REPS1: variants seen among roughly 807,000 people sequenced by gnomAD.
The protein encoded by REPS1 is RALBP1 associated Eps domain containing 1, also known as ralBP1-associated Eps domain-containing protein 1.
Under a neutral mutation model 100.9 loss-of-function variants are expected in REPS1, and 39 were observed. The observed-to-expected ratio is 0.39, with a 90% confidence interval of 0.30 to 0.50. The LOEUF (loss-of-function observed/expected upper bound fraction) is 0.50. Ranked by LOEUF, REPS1 falls within the 20% of genes least tolerant of loss-of-function variation. REPS1 has a pLI of 0.86. For synonymous variants in REPS1, 324 were observed against 340.3 expected (o/e 0.95, Z 0.53); for missense variants, 821 against 968.5 (o/e 0.85, Z 2.02).
chr6:138,925,562 T>A (rs1043313339), intron 10 of REPS1, among the ~76,000 whole-genome samples: 7 of 152,082 alleles, frequency 4.6e-5, no homozygotes, highest in African/African-American at 1.4e-4. Flanking sequence ...ATCTTTCTAC[T>A]CAGCTCATTT....
rs80057574 is a variant in REPS1, at chr6:138,974,994, CA to C, written c.153+12535del. On this transcript the variant is annotated intron_variant, in intron 1 of 19. Coordinates refer to ENST00000450536, the MANE Select transcript of REPS1 (RefSeq NM_001286611.2). ...TGGGTGACAGAGTGAGACCCTGTCTCAAAAAAAAAAAAAGTTAGGCTTGCAT... is the reference window on the plus strand; with the variant it reads ...TGGGTGACAGAGTGAGACCCTGTCTCAAAAAAAAAAAAGTTAGGCTTGCAT... 7.4e-3 allele frequency among the ~76,000 whole-genome samples: 1,008 copies of C among 135,528 alleles called. 3 individuals carry two copies. Among genetic ancestry groups the C allele is most frequent in the Non-Finnish European group, 0.01 (644 of 62,378 alleles). The allele number at this position is 135,528 out of a possible 152,430, so 88.9% of individuals were successfully genotyped here. A position where few individuals can be genotyped will look rare whatever the true frequency, so the allele number is the denominator to read the frequency against.
intron 10 of REPS1, among the ~76,000 whole-genome samples, chr6:138,921,870 C>G (rs912704369): frequency 1.3e-5 from 2 of 151,826 alleles, no homozygotes; most frequent in African/African-American, 4.8e-5. Flanking sequence ...CCACTGCGCC[C>G]GGCCAGGTAG....
intron 1 of REPS1, among the ~76,000 whole-genome samples, chr6:138,984,363 A>G (rs557043737): frequency 6.6e-6 from 1 of 152,188 alleles, no homozygotes; most frequent in East Asian, 1.9e-4. Flanking sequence ...GATTACAGGC[A>G]TGAGCCACTG....
At chr6:138,936,441 T>G (rs996107520) in intron 8 of REPS1, among the ~76,000 whole-genome samples, 1 of 152,126 alleles carries the variant, frequency 6.6e-6, no homozygotes, top group African/African-American at 2.4e-5. Context: ...GTCAATGTCT[T>G]TGTCAGGATT....
chr6:138,975,417 C>G (rs1037276480), intron 1 of REPS1, among the ~76,000 whole-genome samples: 2 of 152,134 alleles, frequency 1.3e-5, no homozygotes, highest in Non-Finnish European at 2.9e-5. Context: ...ACAACAAAAT[C>G]AACGAAAGGT....
intron 1 of REPS1, among the ~76,000 whole-genome samples, chr6:138,973,112 G>A (rs533965837): frequency 6.6e-6 from 1 of 152,274 alleles, no homozygotes; most frequent in South Asian, 2.1e-4. Context: ...ATAACCTAAA[G>A]TACAAATTGT....
intron 1 of REPS1, among the ~76,000 whole-genome samples, chr6:138,978,349 C>T (rs1034490219): frequency 6.6e-6 from 1 of 150,524 alleles, no homozygotes; most frequent in East Asian, 2.0e-4. Flanking sequence ...AGTCCATTGG[C>T]GCAATCTCGG....
At chr6:138,956,098 TA>T (rs1416985121) in intron 1 of REPS1, among the ~76,000 whole-genome samples, 1 of 152,146 alleles carries the variant, frequency 6.6e-6, no homozygotes, top group Non-Finnish European at 1.5e-5. Flanking sequence ...GAAAGCCTTC[TA>T]AAATATAGGA....
chr6:138,920,293 A>G lies in REPS1; in HGVS notation c.1450T>C (p.Leu484=). The G allele has an allele frequency of 1.3e-6, 2 of 1,594,044 alleles. No individual in the cohort carries two copies. Among genetic ancestry groups the G allele is most frequent in the Non-Finnish European group, 1.7e-6 (2 of 1,161,876 alleles). The change falls in exon 12 of 20, where the codon TTA becomes CTA. Residue 484 remains leucine (L), a synonymous_variant. Coordinates refer to ENST00000450536, the MANE Select transcript of REPS1 (RefSeq NM_001286611.2). ...AAAAGGTCAGATGGTTTCACAAGTAATGGGCTAGTGGGATTTGTATGATCT... is the reference window on the plus strand; with the variant it reads ...AAAAGGTCAGATGGTTTCACAAGTAGTGGGCTAGTGGGATTTGTATGATCT... ...GSDHTNPTSP[L]LVKPSDLLEE...
Position 138,987,747 on chromosome 6 carries a change from T to C in REPS1, c.-65A>G, listed in dbSNP as rs1785357465. The C allele has an allele frequency of 2.1e-6, 3 of 1,438,306 alleles. No individual in the cohort carries two copies. The highest frequency in any genetic ancestry group is 1.5e-5 in the South Asian group (1 of 68,862). 89.1% of individuals were successfully genotyped at this position (1,438,306 alleles called of 1,614,324 possible). A position where few individuals can be genotyped will look rare whatever the true frequency, so the allele number is the denominator to read the frequency against. On this transcript the variant is annotated 5_prime_UTR_variant, in exon 1 of 20. Coordinates refer to ENST00000450536, the MANE Select transcript of REPS1 (RefSeq NM_001286611.2). ...TACTCGGGGCCCGGCCCCAGGAACC[T>C]GGGCCGGCAGGGGCTGCGCGTGGCC...
At chr6:138,940,331 C>A (rs1315406308) in intron 8 of REPS1, among the ~76,000 whole-genome samples, 1 of 152,166 alleles carries the variant, frequency 6.6e-6, no homozygotes, top group Non-Finnish European at 1.5e-5. Context: ...GATGGAAACA[C>A]TGAAGACAGT....
intron 10 of REPS1, among the ~76,000 whole-genome samples, chr6:138,922,526 A>C (rs1309175125): frequency 6.6e-6 from 1 of 152,250 alleles, no homozygotes; most frequent in Non-Finnish European, 1.5e-5. Flanking sequence ...GAATGAAGAC[A>C]ATGGTAGCCT....
chr6:138,916,071 T>C (rs1217214898), intron 13 of REPS1, 95 bp from the exon 14 acceptor site: 13 of 880,060 alleles, frequency 1.5e-5, no homozygotes, highest in South Asian at 1.2e-4. Flanking sequence ...CAAAGGATCT[T>C]ATTAGCATGA....
At chr6:138,939,695 T>C (rs1186163705) in intron 8 of REPS1, among the ~76,000 whole-genome samples, 2 of 152,222 alleles carry the variant, frequency 1.3e-5, no homozygotes, top group Non-Finnish European at 2.9e-5. Context: ...TCAATGACAC[T>C]GAAAGTGTGA....
At chr6:138,987,321 C>A (rs1785324369) in intron 1 of REPS1, among the ~76,000 whole-genome samples, 1 of 152,196 alleles carries the variant, frequency 6.6e-6, no homozygotes, top group Non-Finnish European at 1.5e-5. Flanking sequence ...ACCCCCACCA[C>A]AGGAGTTCCG....
chr6:138,950,815 T>G (rs1782966595), intron 1 of REPS1, among the ~76,000 whole-genome samples: 1 of 152,190 alleles, frequency 6.6e-6, no homozygotes, highest in South Asian at 2.1e-4. Flanking sequence ...TATGGTCTTG[T>G]TCCAAACTTT....
At chr6:138,923,518 T>C (rs1429395756) in intron 10 of REPS1, among the ~76,000 whole-genome samples, 1 of 152,246 alleles carries the variant, frequency 6.6e-6, no homozygotes, top group Non-Finnish European at 1.5e-5. Context: ...TTTCATATAT[T>C]TGCAGTGCAA....
chr6:138,970,750 T>C (rs919261440), intron 1 of REPS1, among the ~76,000 whole-genome samples: 1 of 152,160 alleles, frequency 6.6e-6, no homozygotes, highest in Non-Finnish European at 1.5e-5. Context: ...GCCATTGCAC[T>C]CCAGCTTGGG....
intron 8 of REPS1, among the ~76,000 whole-genome samples, chr6:138,935,635 C>T (rs528131794): frequency 6.6e-6 from 1 of 152,062 alleles, no homozygotes; most frequent in East Asian, 1.9e-4. Context: ...GCAGGCGCTT[C>T]ACGAGGTCAG....
Sources: gnomAD v4.1 joint callset for allele counts (sites outside exome capture counted in the v4.1 genomes callset) on GRCh38, gnomAD v4.1.1 for gene constraint, MANE v1.5 for transcripts, NCBI Gene and HGNC (gene_info 2026-07-23, HGNC 2026-07-21) for gene names.